Variants in ZNF385D observed in about 807,000 individuals in gnomAD.
The protein encoded by ZNF385D is zinc finger protein 385D, also known as zinc finger protein 659.
ZNF385D carries 15 observed loss-of-function variants against 35.8 expected under a neutral mutation model. The ratio of observed to expected loss-of-function variants is 0.42; its 90% CI spans 0.28 to 0.64. The LOEUF is 0.64. ZNF385D is among the 30% of genes least tolerant of loss of function. The pLI is 0.23. For missense variants in ZNF385D, 474 were observed against 494.6 expected, an observed-to-expected ratio of 0.96 and a Z score of 0.39; for synonymous variants, 212 against 186.8, an observed-to-expected ratio of 1.13 and a Z score of -1.10.
At chr3:22,057,132 A>G (rs963102345) in intron 3 of ZNF385D, among the ~76,000 whole-genome samples, 2 of 152,254 alleles carry the variant, frequency 1.3e-5, no homozygotes, top group African/African-American at 4.8e-5. Context: ...ATTTGTGTTT[A>G]AAACTCAGGC....
At chr3:21,437,355 A>C (rs1701608355) in intron 4 of ZNF385D, 152 bp from the exon 5 acceptor site, 2 of 625,358 alleles carry the variant, frequency 3.2e-6, no homozygotes, top group Non-Finnish European at 2.6e-6. Context: ...ACCTCACAAA[A>C]AAATTCACAT....
At chr3:21,764,380 T>A (rs1038638371) in intron 3 of ZNF385D, among the ~76,000 whole-genome samples, 1 of 152,162 alleles carries the variant, frequency 6.6e-6, no homozygotes, top group African/African-American at 2.4e-5. Context: ...CTCATAGTTA[T>A]GGATTCAAAA....
chr3:21,933,540 G>C (rs74395746), intron 3 of ZNF385D, among the ~76,000 whole-genome samples: 257 of 152,308 alleles, frequency 1.7e-3, no homozygotes, highest in African/African-American at 5.9e-3. Flanking sequence ...CAGGTCCCTA[G>C]ATCTGCTTTG....
intron 3 of ZNF385D, among the ~76,000 whole-genome samples, chr3:21,764,696 T>C (rs1381022630): frequency 1.3e-5 from 2 of 152,156 alleles, no homozygotes; most frequent in African/African-American, 4.8e-5. Context: ...AGTTGAGTGT[T>C]TGACAATTGA....
intron 2 of ZNF385D, among the ~76,000 whole-genome samples, chr3:22,254,933 T>C (rs976144002): frequency 4.9e-4 from 74 of 151,928 alleles, no homozygotes; most frequent in African/African-American, 1.7e-3. Context: ...GTAGTGTATA[T>C]AGTATAGAAA....
intron 4 of ZNF385D, among the ~76,000 whole-genome samples, chr3:21,475,053 C>T (rs957468584): frequency 1.3e-5 from 2 of 151,856 alleles, no homozygotes; most frequent in African/African-American, 4.8e-5. Context: ...AAAAATGCTA[C>T]TGAGATGGTT....
At chr3:22,007,598 T>C (rs943383746) in intron 3 of ZNF385D, among the ~76,000 whole-genome samples, 1 of 152,226 alleles carries the variant, frequency 6.6e-6, no homozygotes, top group African/African-American at 2.4e-5. Context: ...TGCAGGCCTA[T>C]GAGCCATGTA....
chr3:21,734,208 T>G (rs1202308907), intron 1 of ZNF385D, among the ~76,000 whole-genome samples: 1 of 152,062 alleles, frequency 6.6e-6, no homozygotes, highest in Non-Finnish European at 1.5e-5. Flanking sequence ...GTGAAAATAC[T>G]GATTCCTGGG....
intron 4 of ZNF385D, among the ~76,000 whole-genome samples, chr3:21,484,552 T>C (rs925284912): frequency 6.6e-6 from 1 of 152,120 alleles, no homozygotes; most frequent in African/African-American, 2.4e-5. Context: ...AAGAAGGATA[T>C]GTAAAGGGTC....
At chr3:21,638,295 C>G (rs1011723513) in intron 2 of ZNF385D, among the ~76,000 whole-genome samples, 2 of 152,004 alleles carry the variant, frequency 1.3e-5, no homozygotes, top group South Asian at 4.1e-4. Flanking sequence ...ATACAACAAA[C>G]AGGTTTGGAA....
At chr3:22,026,627 G>A (rs1275181532) in intron 3 of ZNF385D, among the ~76,000 whole-genome samples, 1 of 152,188 alleles carries the variant, frequency 6.6e-6, no homozygotes, top group East Asian at 1.9e-4. Flanking sequence ...ATGCGTAATT[G>A]GCATAGACAT....
At chr3:22,225,819 G>A (rs1698520274) in intron 2 of ZNF385D, among the ~76,000 whole-genome samples, 1 of 152,140 alleles carries the variant, frequency 6.6e-6, no homozygotes, top group African/African-American at 2.4e-5. Context: ...GCATTTATTT[G>A]CTAGATTTAT....
intron 3 of ZNF385D, among the ~76,000 whole-genome samples, chr3:21,937,457 A>G (rs1021915057): frequency 6.6e-5 from 10 of 152,202 alleles, no homozygotes; most frequent in Non-Finnish European, 1.2e-4. Context: ...TTATGCTAGA[A>G]GTATTCTAGC....
chr3:22,242,417 C>T lies in ZNF385D; in HGVS notation c.107-73382G>A, dbSNP rs965048323. 1.3e-5 allele frequency among the ~76,000 whole-genome samples: 2 copies of T among 150,896 alleles called. 1 individual carries two copies. The highest frequency in any genetic ancestry group is 6.8e-3 in the Middle Eastern group (2 of 294). ...TTAACCAAACGATCAAGGTTAACAT[C>T]ACCAGTAATAAGTTTTATGGATATC... On this transcript the variant is annotated intron_variant, in intron 2 of 5. Transcript: ENST00000494108.
At position 21,416,704 on chromosome 3, in the gene ZNF385D, A is replaced by G. The variant is rs1239331503; in HGVS notation, c.*4510T>C. On this transcript the variant is annotated 3_prime_UTR_variant, in exon 8 of 8. Coordinates refer to ENST00000281523, the MANE Select transcript of ZNF385D (RefSeq NM_024697.3). The stretch of plus-strand genomic sequence containing the variant: ...AGGACTCAGTTTAAATAATTCCTGT[A>G]ACAATGACAAGAGCGCATAACTGAT... 6.6e-6 allele frequency: 1 copy of G among 152,148 alleles called. No individual in the cohort carries two copies. The highest frequency in any genetic ancestry group is 1.5e-5 in the Non-Finnish European group (1 of 68,010). The allele number at this position is 152,148 out of a possible 1,614,324, so 9.4% of individuals were successfully genotyped here.
At chr3:22,090,290 ACTACTGGGAAATG>A (rs1701263790) in intron 3 of ZNF385D, among the ~76,000 whole-genome samples, 1 of 152,168 alleles carries the variant, frequency 6.6e-6, no homozygotes, top group African/African-American at 2.4e-5. Context: ...TGAGCTTCTT[ACTACTGGGAAATG>A]GGATACTAGG....
intron 2 of ZNF385D, among the ~76,000 whole-genome samples, chr3:22,357,616 A>C (rs1696214575): frequency 6.6e-6 from 1 of 151,920 alleles, no homozygotes; most frequent in Non-Finnish European, 1.5e-5. Flanking sequence ...AAGAAAAAAA[A>C]ACTTATTTCT....
intron 3 of ZNF385D, among the ~76,000 whole-genome samples, chr3:21,772,993 TTAGAG>T (rs1313650672): frequency 1.3e-5 from 2 of 151,840 alleles, no homozygotes; most frequent in African/African-American, 4.8e-5. Context: ...TATGAGGTAC[TTAGAG>T]TAGTCAAAAT....
chr3:22,308,760 T>C (rs1006444552), intron 2 of ZNF385D, among the ~76,000 whole-genome samples: 1 of 152,074 alleles, frequency 6.6e-6, no homozygotes, highest in African/African-American at 2.4e-5. Context: ...AGAATTAAAG[T>C]GGAGATTTTA....
Sources: allele counts gnomAD v4.1 joint callset (sites outside exome capture counted in the v4.1 genomes callset), GRCh38; gene constraint gnomAD v4.1.1; transcripts MANE v1.5; gene names NCBI Gene and HGNC (gene_info 2026-07-23, HGNC 2026-07-21).